The following ASB10 variants were observed in gnomAD, a reference collection of about 807,000 sequenced individuals.
ASB10 encodes ankyrin repeat and SOCS box containing 10.
ASB10 carries 44 observed loss-of-function variants against 35.4 expected under a neutral mutation model. That is an observed-to-expected ratio of 1.24 (90% CI 0.98 to 1.60). The LOEUF (loss-of-function observed/expected upper bound fraction) is 1.60, where lower values mean the gene tolerates loss of function less well. Among genes scored for constraint, ASB10 ranks in the 40% most tolerant of loss-of-function variants. The probability of loss-of-function intolerance (pLI) is 0.00; values close to 1 mark genes in which losing one functional copy is unlikely to be tolerated. For synonymous variants in ASB10, 294 were observed against 280.4 expected (o/e 1.05, Z -0.49); for missense variants, 647 against 634.3 (o/e 1.02, Z -0.22).
upstream of ASB10, chr7:151,187,764 T>C (rs947151931): frequency 6.9e-7 from 1 of 1,449,912 alleles, no homozygotes; most frequent in Non-Finnish European, 9.1e-7. The surrounding 1 kb of genome is among the most constrained non-coding windows in gnomAD (Gnocchi z 5.3). Context: ...CTCCCAGCGA[T>C]GTTGCTGGTG....
chr7:151,181,547 C>T (rs1187364748), intron 2 of ASB10, 89 bp from the exon 3 acceptor site: 57 of 1,451,792 alleles, frequency 3.9e-5, no homozygotes. Flanking sequence ...TGTCTCCCCC[C>T]ACCCACCCTC....
chr7:151,180,306 T>G (rs963608814), intron 3 of ASB10, among the ~76,000 whole-genome samples: 4 of 152,188 alleles, frequency 2.6e-5, no homozygotes, highest in Non-Finnish European at 5.9e-5. Flanking sequence ...GGATATAAAT[T>G]GAAATTGACA....
chr7:151,180,846 C>T, intron 3 of ASB10, 93 bp downstream of exon 3: 1 of 1,419,620 alleles, frequency 7.0e-7, no homozygotes, highest in Non-Finnish European at 9.2e-7. Context: ...AATCTATGTG[C>T]ACAGGCCACA....
At chr7:151,184,338 G>A (rs964196848) in intron 2 of ASB10, among the ~76,000 whole-genome samples, 8 of 151,814 alleles carry the variant, frequency 5.3e-5, no homozygotes, top group South Asian at 2.1e-4. Context: ...GCGTGAACCC[G>A]GGAGGCGGAG....
chr7:151,184,878 C>T (rs1801558617), intron 2 of ASB10, among the ~76,000 whole-genome samples: 1 of 151,732 alleles, frequency 6.6e-6, no homozygotes, highest in South Asian at 2.1e-4. Context: ...AAAAATTAGC[C>T]AGGCATGGTG....
At chr7:151,180,667 C>T (rs149882872) in intron 3 of ASB10, among the ~76,000 whole-genome samples, 1 of 152,220 alleles carries the variant, frequency 6.6e-6, no homozygotes, top group Non-Finnish European at 1.5e-5. Context: ...CACACATGCA[C>T]AGTATATACA....
chr7:151,187,615 C>G (rs1334775958), upstream of ASB10: 28 of 1,541,762 alleles, frequency 1.8e-5, no homozygotes, highest in Non-Finnish European at 2.4e-5. The surrounding 1 kb of genome is among the most constrained non-coding windows in gnomAD (Gnocchi z 5.3). Flanking sequence ...GCCGAGGGGG[C>G]TCCCAGGCTG....
chr7:151,179,953 TG>T (rs1286193105), intron 3 of ASB10, among the ~76,000 whole-genome samples: 1 of 152,232 alleles, frequency 6.6e-6, no homozygotes, highest in Non-Finnish European at 1.5e-5. Context: ...GCCGAACTCT[TG>T]GGCTGTTTAA....
chr7:151,185,267 T>C (rs996992165), intron 2 of ASB10, among the ~76,000 whole-genome samples: 15 of 150,990 alleles, frequency 9.9e-5, no homozygotes, highest in East Asian at 2.0e-4. Context: ...TACAGGCGCC[T>C]GCCACCACAC....
At chr7:151,180,859 CCAAAG>C (rs1204402221) in intron 3 of ASB10, 75 bp downstream of exon 3, 1 of 1,424,594 alleles carries the variant, frequency 7.0e-7, no homozygotes, top group Non-Finnish European at 9.2e-7. Context: ...AGGCCACATT[CCAAAG>C]CAAACCGGAG....
chr7:151,181,538 G>C lies in ASB10; in HGVS notation c.585-80C>G, dbSNP rs2150557784. 8 of 1,463,100 alleles carry C rather than the reference G, an allele frequency of 5.5e-6. No homozygotes were observed. The South Asian group carries it at 8.4e-5, about 15-fold the overall frequency. The allele number at this position is 1,463,100 out of a possible 1,614,324, so 90.6% of individuals were successfully genotyped here. A position where few individuals can be genotyped will look rare whatever the true frequency, so the allele number is the denominator to read the frequency against. ...ACACACTTGGGTGGCTCTTGGTTCT[G>C]TCTCCCCCCACCCACCCTCCATCCT... is the stretch of plus-strand genomic sequence containing the variant. On this transcript the variant is annotated intron_variant, in intron 2 of 5. Coordinates refer to ENST00000420175, the MANE Select transcript of ASB10 (RefSeq NM_001142459.2).
chr7:151,183,957 T>C (rs1240662021), intron 2 of ASB10, among the ~76,000 whole-genome samples: 1 of 152,176 alleles, frequency 6.6e-6, no homozygotes, highest in Non-Finnish European at 1.5e-5. Context: ...ATATAATTAA[T>C]TTAACCTGCT....
intron 2 of ASB10, 139 bp downstream of exon 2, chr7:151,186,253 A>C: frequency 9.3e-7 from 1 of 1,069,682 alleles, no homozygotes; most frequent in Non-Finnish European, 1.3e-6. Flanking sequence ...ATGGCTTGGG[A>C]AGTAATTGCA....
rs1377640290 is a variant in ASB10 at position 151,186,886 on chromosome 7, G to T, written c.245C>A (p.Ala82Asp). Residue 82 changes from alanine (A) to aspartate (D), a missense_variant, in exon 1 of 6, where the codon GCT (alanine) becomes GAT (aspartate). Coordinates refer to ENST00000420175, the MANE Select transcript of ASB10 (RefSeq NM_001142459.2). ...RILADSSTGL[A>D]PDSVFDTSDP... is the part of the protein sequence containing the mutation. ...GCTGGTATCAAAGACGGAATCAGGA[G>T]CCAGGCCAGTACTGGAGTCCGCGAG... The T allele has an allele frequency of 3.1e-6, 5 of 1,613,708 alleles. No homozygotes were observed. In the African/African-American group the frequency reaches 6.7e-5, roughly 22 times the overall value.
intron 2 of ASB10, among the ~76,000 whole-genome samples, chr7:151,184,013 T>G (rs1801541184): frequency 1.3e-5 from 2 of 152,212 alleles, no homozygotes; most frequent in Non-Finnish European, 2.9e-5. Flanking sequence ...TTACTCCCAA[T>G]AGCCAAAATG....
chr7:151,187,438 C>T (rs889250439), upstream of ASB10: 2 of 1,551,062 alleles, frequency 1.3e-6, no homozygotes, highest in Admixed American at 3.9e-5. The surrounding 1 kb of genome is among the most constrained non-coding windows in gnomAD (Gnocchi z 5.3). Flanking sequence ...CAGCAACCCC[C>T]AGATGCCCCT....
Position 151,176,229 on chromosome 7 carries a change from G to A in ASB10, c.1287C>T (p.Ser429=). 6.2e-7 allele frequency: 1 copy of A among 1,602,014 alleles called. No individual in the cohort carries two copies. The highest frequency in any genetic ancestry group is 8.5e-7 in the Non-Finnish European group (1 of 1,175,092). The change falls in exon 5 of 6, where the codon AGC becomes AGT. Residue 429 remains serine, a synonymous_variant. Transcript: ENST00000420175. ...CCAGGTGGGAGCGGAGCGCACAGCG[G>A]CTCAAATGCTGCAGCGACCTGGGCT... ...VRQPRSLQHL[S]RCALRSHLEG...
upstream of ASB10, chr7:151,187,717 G>C: frequency 6.8e-7 from 1 of 1,468,302 alleles, no homozygotes; most frequent in Non-Finnish European, 9.1e-7. The surrounding 1 kb of genome is among the most constrained non-coding windows in gnomAD (Gnocchi z 5.3). Flanking sequence ...TCTTTCCCCA[G>C]GGCATGGCTT....
intron 2 of ASB10, among the ~76,000 whole-genome samples, chr7:151,182,542 C>T (rs981505178): frequency 5.9e-5 from 9 of 152,192 alleles, no homozygotes; most frequent in African/African-American, 1.7e-4. Flanking sequence ...CATGCCACTA[C>T]ACTCCAGCTT....
Sources: allele counts gnomAD v4.1 joint callset (sites outside exome capture counted in the v4.1 genomes callset), GRCh38; gene constraint gnomAD v4.1.1; non-coding constraint Gnocchi (gnomAD v3.1); transcripts MANE v1.5; gene names NCBI Gene and HGNC (gene_info 2026-07-23, HGNC 2026-07-21).